PLCZ1: variants seen among roughly 807,000 people sequenced by gnomAD.
The protein encoded by PLCZ1 is 1-phosphatidylinositol 4,5-bisphosphate phosphodiesterase zeta-1.
A neutral mutation model predicts 76.8 loss-of-function variants in PLCZ1; 64 were observed. That is an observed-to-expected ratio of 0.83 (90% CI 0.68 to 1.03). The LOEUF (loss-of-function observed/expected upper bound fraction) is 1.03. PLCZ1 is among the 50% of genes least tolerant of loss of function. The probability of loss-of-function intolerance (pLI) is 0.00; values close to 1 mark genes in which losing one functional copy is unlikely to be tolerated. For missense variants in PLCZ1, 751 were observed against 713.7 expected (o/e 1.05, Z -0.60); for synonymous variants, 248 against 230.8 (o/e 1.07, Z -0.68).
the PLCZ1 span, among the ~76,000 whole-genome samples, chr12:18,657,710 A>T: frequency 6.6e-6 from 1 of 152,212 alleles, no homozygotes; most frequent in Non-Finnish European, 1.5e-5. Context: ...CCCCCAAGGA[A>T]GAAAGTGAAT....
At chr12:18,687,782 G>A (rs982864380) in intron 13 of PLCZ1, among the ~76,000 whole-genome samples, 1 of 151,984 alleles carries the variant, frequency 6.6e-6, no homozygotes, top group Admixed American at 6.6e-5. Context: ...AAGTAGATTT[G>A]AGGCTGTTAA....
intron 13 of PLCZ1, 68 bp downstream of exon 13, chr12:18,688,021 A>T (rs1374006890): frequency 6.3e-7 from 1 of 1,578,422 alleles, no homozygotes; most frequent in Non-Finnish European, 8.6e-7. Context: ...AACTCTATCA[A>T]CATATAATTT....
the PLCZ1 span, among the ~76,000 whole-genome samples, chr12:18,667,705 A>G: frequency 6.6e-6 from 1 of 152,192 alleles, no homozygotes; most frequent in Non-Finnish European, 1.5e-5. Context: ...TTTCATTATC[A>G]TAAAAGTCTA....
At chr12:18,694,098 A>G (rs1592052064) in intron 12 of PLCZ1, 1 of 1,077,676 alleles carries the variant, frequency 9.3e-7, no homozygotes, top group East Asian at 2.4e-5. Flanking sequence ...CTGTATCTCT[A>G]GTGAACTACG....
chr12:18,713,018 T>C (rs1957523508), intron 5 of PLCZ1, 32 bp from the exon 6 acceptor site: 3 of 1,612,406 alleles, frequency 1.9e-6, no homozygotes, highest in East Asian at 4.5e-5. Flanking sequence ...AAAATGTTAC[T>C]CCTGGACCAT....
At chr12:18,673,802 AACTGTTGG>A in the PLCZ1 span, among the ~76,000 whole-genome samples, 1 of 152,252 alleles carries the variant, frequency 6.6e-6, no homozygotes, top group Middle Eastern at 3.4e-3. Context: ...GCTCCTCACA[AACTGTTGG>A]ACTCAGGGCC....
the PLCZ1 span, chr12:18,647,902 C>A: frequency 6.3e-7 from 1 of 1,583,822 alleles, no homozygotes; most frequent in Admixed American, 1.8e-5. Flanking sequence ...TCACAGAGCT[C>A]CAAGGACATG....
the PLCZ1 span, among the ~76,000 whole-genome samples, chr12:18,662,870 A>G: frequency 6.6e-6 from 1 of 152,128 alleles, no homozygotes; most frequent in Admixed American, 6.6e-5. Flanking sequence ...AGGAAATGAG[A>G]AAATACTTAA....
chr12:18,657,070 A>T, the PLCZ1 span, among the ~76,000 whole-genome samples: 2 of 152,148 alleles, frequency 1.3e-5, no homozygotes, highest in African/African-American at 4.8e-5. Flanking sequence ...TGATCCCAAA[A>T]AAACAAGCCC....
intron 13 of PLCZ1, 101 bp from the exon 14 acceptor site, chr12:18,684,380 C>T: frequency 8.9e-7 from 1 of 1,123,692 alleles, no homozygotes; most frequent in Non-Finnish European, 1.3e-6. Context: ...AACCCTTTAA[C>T]AATAATATCT....
intron 3 of PLCZ1, among the ~76,000 whole-genome samples, chr12:18,729,275 A>G (rs890835921): frequency 6.6e-5 from 10 of 151,932 alleles, no homozygotes; most frequent in Admixed American, 2.0e-4. Flanking sequence ...CACATACTCC[A>G]TACATATTCC....
intron 12 of PLCZ1, among the ~76,000 whole-genome samples, chr12:18,689,696 A>C (rs1270686652): frequency 6.6e-6 from 1 of 152,186 alleles, no homozygotes; most frequent in Admixed American, 6.6e-5. Context: ...TACCCATAAG[A>C]TTTTGGATTT....
intron 13 of PLCZ1, among the ~76,000 whole-genome samples, chr12:18,686,107 C>T (rs751365373): frequency 3.3e-5 from 5 of 152,074 alleles, no homozygotes; most frequent in African/African-American, 4.8e-5. Flanking sequence ...TTGACTTCTG[C>T]GCAGTGTTTC....
chr12:18,732,124 T>C (rs1959081847), intron 3 of PLCZ1, among the ~76,000 whole-genome samples: 1 of 152,036 alleles, frequency 6.6e-6, no homozygotes, highest in African/African-American at 2.4e-5. Flanking sequence ...CATAAACATA[T>C]CCATTCCTTC....
At chr12:18,719,772 T>G (rs563469790) in intron 4 of PLCZ1, 140 bp from the exon 5 acceptor site, 3 of 497,554 alleles carry the variant, frequency 6.0e-6, no homozygotes, top group African/African-American at 4.0e-5. Flanking sequence ...TAATACTATA[T>G]TTATGTTGTT....
chr12:18,722,207 T>C (rs985259834), intron 4 of PLCZ1, among the ~76,000 whole-genome samples: 2 of 12,084 alleles, frequency 1.7e-4, no homozygotes, highest in Non-Finnish European at 3.3e-4. Context: ...TCATTTACTC[T>C]CCATCACCTT....
In PLCZ1 at chr12:18,701,481, T is replaced by C; in HGVS notation, c.1017+20A>G. The C allele has an allele frequency of 6.2e-7, 1 of 1,614,030 alleles. No homozygotes were observed. On this transcript the variant is annotated intron_variant, in intron 9 of 14. Coordinates refer to ENST00000266505, the MANE Select transcript of PLCZ1 (RefSeq NM_033123.4). Reference sequence around the variant, plus strand: ...AAACTTTCCAATCACTTGTAAGATTTTCACAAAACACCACCTCACCTTCTT... The same window carrying C: ...AAACTTTCCAATCACTTGTAAGATTCTCACAAAACACCACCTCACCTTCTT...
the PLCZ1 span, among the ~76,000 whole-genome samples, chr12:18,653,126 C>A: frequency 1.3e-5 from 2 of 152,018 alleles, no homozygotes; most frequent in African/African-American, 2.4e-5. Flanking sequence ...GGTTATAGAT[C>A]ATTGCCTGGC....
At chr12:18,658,188 A>G in the PLCZ1 span, among the ~76,000 whole-genome samples, 1 of 152,166 alleles carries the variant, frequency 6.6e-6, no homozygotes, top group Non-Finnish European at 1.5e-5. Context: ...AGATCCTAAG[A>G]GACCTATGAA....
Sources: gnomAD v4.1 joint callset for allele counts (sites outside exome capture counted in the v4.1 genomes callset) on GRCh38, gnomAD v4.1.1 for gene constraint, MANE v1.5 for transcripts, NCBI Gene and HGNC (gene_info 2026-07-23, HGNC 2026-07-21) for gene names.